STPG4: variants seen among roughly 807,000 people sequenced by gnomAD.
STPG4 encodes the protein sperm-tail PG-rich repeat containing 4.
In STPG4, 41 loss-of-function variants were observed where a neutral mutation model predicts 31.5. The ratio of observed to expected loss-of-function variants is 1.30; its 90% confidence interval spans 1.01 to 1.69. The LOEUF (loss-of-function observed/expected upper bound fraction) is 1.69. STPG4 is among the 40% of genes most tolerant of loss of function. The pLI is 0.00. For missense variants in STPG4, 375 were observed against 293.4 expected (o/e 1.28, Z -2.03); for synonymous variants, 141 against 103.0 (o/e 1.37, Z -2.24).
chr2:47,119,793 G>C (rs559794887), intron 5 of STPG4, among the ~76,000 whole-genome samples: 1 of 152,310 alleles, frequency 6.6e-6, no homozygotes, highest in Admixed American at 6.5e-5. Context: ...AAGCAAGGAG[G>C]GCCAGACAGC....
intron 3 of STPG4, among the ~76,000 whole-genome samples, chr2:47,140,246 G>T (rs1393361737): frequency 6.6e-6 from 1 of 152,174 alleles, no homozygotes; most frequent in Non-Finnish European, 1.5e-5. Context: ...CCTCAGGTCA[G>T]TTAGGTCCTG....
intron 3 of STPG4, among the ~76,000 whole-genome samples, chr2:47,147,137 A>C (rs1167268043): frequency 6.6e-6 from 1 of 152,080 alleles, no homozygotes; most frequent in Non-Finnish European, 1.5e-5. Flanking sequence ...TTAAATAAAT[A>C]AATAAATAGG....
intron 5 of STPG4, among the ~76,000 whole-genome samples, chr2:47,109,575 A>T (rs1328668665): frequency 1.3e-5 from 2 of 151,888 alleles, no homozygotes; most frequent in South Asian, 4.2e-4. Context: ...AAAAAAAAAA[A>T]ATTCTAGCAC....
chr2:47,144,182 G>A (rs1223234084), intron 3 of STPG4, among the ~76,000 whole-genome samples: 2 of 152,164 alleles, frequency 1.3e-5, no homozygotes, highest in African/African-American at 2.4e-5. Context: ...TATAAATGAT[G>A]CATTTCAAAT....
chr2:47,148,750 A>G lies in STPG4; in HGVS notation c.399+2508T>C, dbSNP rs553440884. On this transcript the variant is annotated intron_variant, in intron 3 of 6. Coordinates refer to ENST00000445927, the MANE Select transcript of STPG4 (RefSeq NM_001163561.2). ...CTGTGTCCAAGTGTTCTCATTGTTC[A>G]GTTCCCACCTATGAGTGAGAACATG... Among the ~76,000 whole-genome samples the G allele has an allele frequency of 4.6e-5, 7 of 152,204 alleles. No homozygotes were observed. The East Asian group carries it at 1.4e-3, about 29-fold the overall frequency.
In STPG4 at chr2:47,151,205, C is replaced by T. The variant is rs1686927514; in HGVS notation, c.399+53G>A. ...ACTCTACGTATAAAAATACTTTCCT[C>T]AGGGGCTCTTAGTAGCTTTCCCACA... is the stretch of plus-strand genomic sequence containing the variant. On this transcript the variant is annotated intron_variant, in intron 3 of 6. Transcript: ENST00000445927. 12 of 1,598,584 alleles carry T rather than the reference C, an allele frequency of 7.5e-6. No homozygotes were observed. In the South Asian group the frequency reaches 1.0e-4, roughly 13 times the overall value.
At chr2:47,096,905 A>G (rs1033191847) in intron 5 of STPG4, among the ~76,000 whole-genome samples, 1 of 152,180 alleles carries the variant, frequency 6.6e-6, no homozygotes, top group Non-Finnish European at 1.5e-5. Flanking sequence ...AGAATTCAAT[A>G]TGAAATGAGT....
At chr2:47,110,089 C>T (rs894535842) in intron 5 of STPG4, among the ~76,000 whole-genome samples, 3 of 152,120 alleles carry the variant, frequency 2.0e-5, no homozygotes, top group South Asian at 4.1e-4. Flanking sequence ...ATGTGTGTGT[C>T]TCATTTTTTC....
At chr2:47,131,167 C>T (rs1378606827) in intron 3 of STPG4, among the ~76,000 whole-genome samples, 1 of 151,718 alleles carries the variant, frequency 6.6e-6, no homozygotes, top group African/African-American at 2.4e-5. Flanking sequence ...CACTCTGTTG[C>T]CCACGGTGGA....
intron 3 of STPG4, among the ~76,000 whole-genome samples, chr2:47,133,939 C>T (rs1686542659): frequency 6.6e-6 from 1 of 152,034 alleles, no homozygotes; most frequent in Non-Finnish European, 1.5e-5. Flanking sequence ...ATATATAATT[C>T]AGTTATGTTG....
chr2:47,142,473 A>T (rs1219038251), intron 3 of STPG4, among the ~76,000 whole-genome samples: 2 of 152,210 alleles, frequency 1.3e-5, no homozygotes, highest in African/African-American at 2.4e-5. Context: ...TTAAAATGGA[A>T]CATTTTAAGA....
intron 5 of STPG4, chr2:47,128,771 G>A (rs1356364160): frequency 1.3e-5 from 2 of 152,224 alleles, no homozygotes; most frequent in Non-Finnish European, 2.9e-5. Context: ...CCTGCTTGGT[G>A]CTCCACTTCA....
At chr2:47,125,147 A>C (rs1686341451) in intron 5 of STPG4, among the ~76,000 whole-genome samples, 1 of 152,200 alleles carries the variant, frequency 6.6e-6, no homozygotes, top group Non-Finnish European at 1.5e-5. Context: ...GAGGTTGGGC[A>C]TGGTGGCTCA....
chr2:47,116,924 C>G (rs1296809670), intron 5 of STPG4, among the ~76,000 whole-genome samples: 2 of 152,130 alleles, frequency 1.3e-5, no homozygotes, highest in Non-Finnish European at 2.9e-5. Context: ...GATATAAATA[C>G]AAATTTCCCT....
chr2:47,151,521 G>A lies in STPG4; in HGVS notation c.142-6C>T. 1 of 1,611,704 alleles carries A rather than the reference G, an allele frequency of 6.2e-7. No homozygotes were observed. Among genetic ancestry groups the A allele is most frequent in the South Asian group, 1.1e-5 (1 of 90,828 alleles). ...GTGCCAGGTATAGGAGTATCCTGTG[G>A]AAAATTGACATCAGTTTTAAGATTG... On this transcript the variant is annotated splice_polypyrimidine_tract_variant and splice_region_variant and intron_variant, in intron 2 of 6. Coordinates refer to ENST00000445927, the MANE Select transcript of STPG4 (RefSeq NM_001163561.2).
At chr2:47,116,140 G>C (rs1686148486) in intron 5 of STPG4, among the ~76,000 whole-genome samples, 2 of 152,146 alleles carry the variant, frequency 1.3e-5, no homozygotes, top group Non-Finnish European at 2.9e-5. Context: ...TTGCCCAAGG[G>C]GCCTATGTCC....
intron 5 of STPG4, among the ~76,000 whole-genome samples, chr2:47,091,174 GGA>G (rs1685563618): frequency 6.7e-6 from 1 of 149,714 alleles, no homozygotes. Flanking sequence ...GGGAGGGAGG[GGA>G]AGGAAGGAGA....
intron 6 of STPG4, among the ~76,000 whole-genome samples, chr2:47,089,035 G>T (rs916470376): frequency 1.3e-5 from 2 of 152,094 alleles, no homozygotes; most frequent in Non-Finnish European, 2.9e-5. Flanking sequence ...ACAACCTTCT[G>T]GTTGTCTTCA....
intron 5 of STPG4, among the ~76,000 whole-genome samples, chr2:47,110,199 T>C (rs972187514): frequency 2.6e-5 from 4 of 152,254 alleles, no homozygotes; most frequent in Non-Finnish European, 5.9e-5. Flanking sequence ...CCTAATTAAG[T>C]AGCAGAAAGT....
Sources: allele counts gnomAD v4.1 joint callset (sites outside exome capture counted in the v4.1 genomes callset), GRCh38; gene constraint gnomAD v4.1.1; transcripts MANE v1.5; gene names NCBI Gene and HGNC (gene_info 2026-07-23, HGNC 2026-07-21).